Variants in SACM1L observed in about 807,000 individuals in gnomAD.
The protein encoded by SACM1L is SAC1 like phosphatidylinositide phosphatase.
A neutral mutation model predicts 89.5 loss-of-function variants in SACM1L; 32 were observed. The ratio of observed to expected loss-of-function variants is 0.36; its 90% confidence interval spans 0.27 to 0.48. SACM1L has a LOEUF of 0.48. Among genes scored for constraint, SACM1L ranks in the 20% least tolerant of loss-of-function variants. SACM1L has a pLI of 0.99. For missense variants in SACM1L, 543 were observed against 708.5 expected (o/e 0.77, Z 2.65); for synonymous variants, 213 against 232.8 (o/e 0.92, Z 0.77).
intron 5 of SACM1L, among the ~76,000 whole-genome samples, chr3:45,712,012 T>C (rs1054269276): frequency 5.3e-5 from 8 of 152,268 alleles, no homozygotes; most frequent in Non-Finnish European, 1.2e-4. Flanking sequence ...GTGTTTTTCA[T>C]CTTATTTCAT....
intron 6 of SACM1L, 88 bp from the exon 7 acceptor site, chr3:45,713,958 T>C: frequency 1.5e-6 from 1 of 647,366 alleles, no homozygotes. Context: ...GTTATGTTTG[T>C]ATATTACCTC....
At position 45,732,103 on chromosome 3, in the gene SACM1L, G is replaced by A. The variant is rs372975800; in HGVS notation, c.1052G>A (p.Arg351Gln). ...GAATGTAAAAATATGAGATGGGATC[G>A]ACTAAGTATTTTATTGGATCAGGTA... ...HKECKNMRWDRLSILLDQVAE... is the reference protein window; with the variant it reads ...HKECKNMRWDQLSILLDQVAE... The change falls in exon 13 of 20, where the codon CGA becomes CAA. Residue 351 changes from arginine (R) to glutamine (Q), a missense_variant. Coordinates refer to ENST00000389061, the MANE Select transcript of SACM1L (RefSeq NM_014016.5). 18 of 1,605,804 alleles carry A rather than the reference G, an allele frequency of 1.1e-5. No homozygotes were observed. In the South Asian group the frequency reaches 1.5e-4, roughly 13 times the overall value.
chr3:45,734,179 A>C (rs898291492), intron 13 of SACM1L, among the ~76,000 whole-genome samples: 16 of 147,514 alleles, frequency 1.1e-4, no homozygotes, highest in African/African-American at 3.8e-4. Flanking sequence ...TTGGGAAGCC[A>C]AGGCAGACGG....
At chr3:45,737,337 CCTG>C (rs1292960565) in intron 14 of SACM1L, 2 of 528,110 alleles carry the variant, frequency 3.8e-6, no homozygotes, top group Non-Finnish European at 3.3e-6. Flanking sequence ...TGAGTATAGT[CCTG>C]CTGCTATCCC....
intron 7 of SACM1L, among the ~76,000 whole-genome samples, chr3:45,718,158 T>A (rs1251272633): frequency 6.6e-6 from 1 of 152,130 alleles, no homozygotes; most frequent in Non-Finnish European, 1.5e-5. Flanking sequence ...CCATGGACAG[T>A]AGAATGGATA....
intron 14 of SACM1L, among the ~76,000 whole-genome samples, chr3:45,736,179 C>T (rs1699193541): frequency 1.3e-5 from 2 of 151,986 alleles, no homozygotes; most frequent in South Asian, 2.1e-4. Context: ...TCTTTTTTTT[C>T]TATTTCGTTA....
chr3:45,722,789 A>G (rs1698817096), intron 9 of SACM1L, 80 bp from the exon 10 acceptor site: 5 of 1,012,738 alleles, frequency 4.9e-6, no homozygotes, highest in Non-Finnish European at 6.0e-6. Context: ...ATTCATTAAT[A>G]TATACACCCC....
chr3:45,722,055 C>T lies in SACM1L; in HGVS notation c.735C>T (p.His245=). 1 of 1,612,232 alleles carries T rather than the reference C, an allele frequency of 6.2e-7. No individual in the cohort carries two copies. The stretch of plus-strand genomic sequence containing the variant: ...TTGTAGAAACAGAACAAATTGTGCA[C>T]TACAATGGGAGCAAAGCTTCGTTTG... The part of the protein sequence containing the change: ...ANFVETEQIV[H]YNGSKASFVQ... Residue 245 remains histidine (H), a synonymous_variant, in exon 9 of 20, where the codon CAC becomes CAT. Transcript: ENST00000389061.
At chr3:45,717,642 C>A (rs1435807199) in intron 7 of SACM1L, among the ~76,000 whole-genome samples, 2 of 152,140 alleles carry the variant, frequency 1.3e-5, no homozygotes, top group Admixed American at 1.3e-4. Flanking sequence ...ATAGAAAATA[C>A]CATAACCAAA....
At chr3:45,717,738 G>A (rs921902907) in intron 7 of SACM1L, among the ~76,000 whole-genome samples, 2 of 152,186 alleles carry the variant, frequency 1.3e-5, no homozygotes, top group African/African-American at 4.8e-5. Context: ...CAGCCACAGT[G>A]TGGCATACAT....
intron 1 of SACM1L, among the ~76,000 whole-genome samples, chr3:45,694,665 T>G (rs1575381506): frequency 6.6e-6 from 1 of 152,322 alleles, no homozygotes; most frequent in South Asian, 2.1e-4. Context: ...GCCTACTGAG[T>G]GAAAATCTCT....
At chr3:45,710,553 C>T (rs1247076505) in intron 5 of SACM1L, among the ~76,000 whole-genome samples, 3 of 139,150 alleles carry the variant, frequency 2.2e-5, no homozygotes, top group African/African-American at 8.1e-5. Context: ...AATTAGGTTT[C>T]ATATGATCTC....
intron 13 of SACM1L, among the ~76,000 whole-genome samples, chr3:45,733,999 G>A (rs1193652335): frequency 6.6e-6 from 1 of 152,172 alleles, no homozygotes; most frequent in Non-Finnish European, 1.5e-5. Context: ...ACTGTGGTTG[G>A]TTGCAGTGCA....
At chr3:45,689,619 C>G in intron 1 of SACM1L, 122 bp downstream of exon 1, 1 of 1,226,162 alleles carries the variant, frequency 8.2e-7, no homozygotes, top group South Asian at 1.3e-5. Flanking sequence ...CTCGCATTTA[C>G]CGGTTTTCCT....
At chr3:45,741,763 T>TGTAC (rs1699321928) in intron 19 of SACM1L, among the ~76,000 whole-genome samples, 1 of 152,222 alleles carries the variant, frequency 6.6e-6, no homozygotes, top group Non-Finnish European at 1.5e-5. Context: ...TAGTAAATAT[T>TGTAC]TTTGTCTTTA....
At chr3:45,733,979 G>A (rs1034247549) in intron 13 of SACM1L, among the ~76,000 whole-genome samples, 3 of 152,200 alleles carry the variant, frequency 2.0e-5, no homozygotes, top group Non-Finnish European at 4.4e-5. Flanking sequence ...AGAAAACATG[G>A]GAACTGGTAA....
Position 45,719,553 on chromosome 3 carries a change from A to G in SACM1L, c.631A>G (p.Ile211Val). 2 of 1,612,596 alleles carry G rather than the reference A, an allele frequency of 1.2e-6. No homozygotes were observed. Among genetic ancestry groups the G allele is most frequent in the African/African-American group, 1.3e-5 (1 of 75,024 alleles). The change falls in exon 8 of 20, where the codon ATC (isoleucine) becomes GTC (valine). Residue 211 changes from isoleucine (I) to valine (V), a missense_variant. By Grantham distance (29) the Ile-to-Val change is conservative. Coordinates refer to ENST00000389061, the MANE Select transcript of SACM1L (RefSeq NM_014016.5). ...INGKYFDWILISRRSCFRAGV... is the reference protein window; with the variant it reads ...INGKYFDWILVSRRSCFRAGV... The stretch of plus-strand genomic sequence containing the variant: ...TGGAAAATACTTTGATTGGATTCTC[A>G]TCTCGAGGAGGAGCTGTTTCAGAGC...
intron 8 of SACM1L, among the ~76,000 whole-genome samples, chr3:45,721,350 C>T (rs978791158): frequency 6.6e-6 from 1 of 152,192 alleles, no homozygotes; most frequent in Non-Finnish European, 1.5e-5. Flanking sequence ...GGAGAAACCC[C>T]ATCTCTACTA....
intron 5 of SACM1L, among the ~76,000 whole-genome samples, chr3:45,710,337 A>G (rs1698497069): frequency 2.0e-5 from 3 of 151,776 alleles, no homozygotes; most frequent in Admixed American, 2.0e-4. Context: ...GGTAGCTGCA[A>G]TTACAGGCGT....
Sources: allele counts gnomAD v4.1 joint callset (sites outside exome capture counted in the v4.1 genomes callset), GRCh38; gene constraint gnomAD v4.1.1; transcripts MANE v1.5; gene names NCBI Gene and HGNC (gene_info 2026-07-23, HGNC 2026-07-21).